The following ACACA variants were observed in gnomAD, a reference collection of about 807,000 sequenced individuals.
ACACA encodes the protein acetyl-CoA carboxylase 1.
A neutral mutation model predicts 296.1 loss-of-function variants in ACACA; 103 were observed. The ratio of observed to expected loss-of-function variants is 0.35; its 90% CI spans 0.30 to 0.41. The LOEUF (loss-of-function observed/expected upper bound fraction) is 0.41. Ranked by LOEUF, ACACA falls within the 10% of genes least tolerant of loss-of-function variation. The pLI is 1.00. For missense variants in ACACA, 1,554 were observed against 2,989.7 expected (o/e 0.52, Z 11.20); for synonymous variants, 953 against 1,038.6 (o/e 0.92, Z 1.58).
chr17:37,306,410 C>T (rs945367278), intron 3 of ACACA, among the ~76,000 whole-genome samples: 1 of 151,996 alleles, frequency 6.6e-6, no homozygotes, highest in Non-Finnish European at 1.5e-5. Flanking sequence ...TAACTTCATA[C>T]AATGAAGTGG....
At chr17:37,102,292 C>A (rs1395489883) in intron 52 of ACACA, among the ~76,000 whole-genome samples, 1 of 149,294 alleles carries the variant, frequency 6.7e-6, no homozygotes, top group Admixed American at 6.8e-5. Context: ...GCAACCTCTG[C>A]CCCCTGAGTT....
chr17:37,177,807 C>T (rs1194442199), intron 41 of ACACA, among the ~76,000 whole-genome samples: 1 of 152,160 alleles, frequency 6.6e-6, no homozygotes, highest in Non-Finnish European at 1.5e-5. Context: ...CATCCTTCCA[C>T]CCCAGTCCTC....
Position 37,317,992 on chromosome 17 carries a change from TCA to T in ACACA, c.338+12179_338+12180del, listed in dbSNP as rs1179721320. ...AAAGGCACCATGGCAACTGGGAACC[TCA>T]GAATATCAAGGAAGGAGCACTGAAA... On this transcript the variant is annotated intron_variant, in intron 3 of 55. Transcript: ENST00000616317. 3.9e-4 allele frequency among the ~76,000 whole-genome samples: 60 copies of T among 152,138 alleles called. No homozygotes were observed. The Middle Eastern group carries it at 0.01, about 26-fold the overall frequency.
In ACACA at chr17:37,124,864, T is replaced by G. The variant is rs58705012; in HGVS notation, c.6041+834A>C. On this transcript the variant is annotated intron_variant, in intron 48 of 55. Coordinates refer to ENST00000616317, the MANE Select transcript of ACACA (RefSeq NM_198834.3). ...GAGAGAACCACAGAGCCTAGAATTA[T>G]TTTCAAGGCTAGAATCTAAATCTCA... is the stretch of plus-strand genomic sequence containing the variant. Among the ~76,000 whole-genome samples the G allele has an allele frequency of 1.1e-3, 170 of 152,294 alleles. 1 individual carries two copies. Among genetic ancestry groups the G allele is most frequent in the African/African-American group, 4.0e-3 (167 of 41,574 alleles).
In ACACA at chr17:37,151,290, GA is replaced by G; in HGVS notation, c.5568+10del. 6.2e-7 allele frequency: 1 copy of G among 1,613,794 alleles called. No individual in the cohort carries two copies. The highest frequency in any genetic ancestry group is 1.1e-5 in the South Asian group (1 of 91,082). On this transcript the variant is annotated intron_variant, in intron 44 of 55. Coordinates refer to ENST00000616317, the MANE Select transcript of ACACA (RefSeq NM_198834.3). ...AGTTCTTCAAAAATTTCACATTCTG[GA>G]AAGATTTACCAGGCTGATGGTAATG...
At chr17:37,256,112 G>C (rs1035084169) in intron 14 of ACACA, among the ~76,000 whole-genome samples, 2 of 152,052 alleles carry the variant, frequency 1.3e-5, no homozygotes, top group African/African-American at 4.8e-5. Flanking sequence ...CTACTTTTAA[G>C]AGCTAGCAGA....
intron 1 of ACACA, chr17:37,378,087 A>G: frequency 4.5e-6 from 4 of 891,350 alleles, no homozygotes; most frequent in Non-Finnish European, 7.0e-6. Flanking sequence ...AAGGATATGT[A>G]TCCTCCCAGG....
chr17:37,321,613 C>T (rs1025293642), intron 3 of ACACA, among the ~76,000 whole-genome samples: 12 of 152,118 alleles, frequency 7.9e-5, no homozygotes, highest in Admixed American at 7.2e-4. Flanking sequence ...CCAGGCGTGG[C>T]GGCATGTGCC....
chr17:37,299,254 C>T, intron 3 of ACACA: 6 of 1,608,334 alleles, frequency 3.7e-6, no homozygotes, highest in South Asian at 3.3e-5. Flanking sequence ...ATATATATTA[C>T]CCAAATGTGG....
chr17:37,247,121 C>T (rs149873859), intron 18 of ACACA, 145 bp from the exon 19 acceptor site: 21 of 890,384 alleles, frequency 2.4e-5, no homozygotes, highest in East Asian at 1.3e-4. Context: ...TATTTGTTTA[C>T]AATGTCAATT....
intron 29 of ACACA, among the ~76,000 whole-genome samples, chr17:37,218,804 C>CA (rs1478487566): frequency 2.0e-5 from 3 of 151,864 alleles, no homozygotes; most frequent in African/African-American, 7.3e-5. Flanking sequence ...CAATAACATA[C>CA]AAAAAAAGTA....
At chr17:37,157,786 C>T (rs761350412) in intron 42 of ACACA, among the ~76,000 whole-genome samples, 1 of 151,860 alleles carries the variant, frequency 6.6e-6, no homozygotes, top group Admixed American at 6.6e-5. Flanking sequence ...ATCCATCTGC[C>T]TCAGCCTCCC....
intron 51 of ACACA, among the ~76,000 whole-genome samples, chr17:37,112,231 T>C (rs1270807286): frequency 1.3e-5 from 2 of 152,098 alleles, no homozygotes; most frequent in Non-Finnish European, 2.9e-5. Context: ...TGCATACTAA[T>C]GATGTTCAGT....
At chr17:37,212,686 C>G (rs555388859) in intron 29 of ACACA, among the ~76,000 whole-genome samples, 1 of 150,568 alleles carries the variant, frequency 6.6e-6, no homozygotes, top group Non-Finnish European at 1.5e-5. Context: ...AGACAAGGTC[C>G]CACTATGTTG....
At position 37,240,579 on chromosome 17, in the gene ACACA, A is replaced by G; in HGVS notation, c.3033-15T>C. On this transcript the variant is annotated splice_polypyrimidine_tract_variant and intron_variant, in intron 23 of 55. Transcript: ENST00000616317. Reference sequence around the variant, plus strand: ...CACTTCGGTACCTAGGCAAATAGAAAGTCTCCACTGAAAAACCTGACAATC... The same window carrying G: ...CACTTCGGTACCTAGGCAAATAGAAGGTCTCCACTGAAAAACCTGACAATC... 1.2e-6 allele frequency: 2 copies of G among 1,607,436 alleles called. No homozygotes were observed. Among genetic ancestry groups the G allele is most frequent in the East Asian group, 4.5e-5 (2 of 44,856 alleles).
At chr17:37,402,775 C>A (rs2051334804) in intron 1 of ACACA, among the ~76,000 whole-genome samples, 1 of 152,116 alleles carries the variant, frequency 6.6e-6, no homozygotes, top group Non-Finnish European at 1.5e-5. Flanking sequence ...CAGGTTCACG[C>A]CATTCTTCTT....
At chr17:37,374,764 C>T (rs2049934884) in intron 1 of ACACA, among the ~76,000 whole-genome samples, 1 of 152,222 alleles carries the variant, frequency 6.6e-6, no homozygotes, top group Non-Finnish European at 1.5e-5. Context: ...TTCCTCACAA[C>T]CTCTCAGCCC....
intron 3 of ACACA, among the ~76,000 whole-genome samples, chr17:37,291,818 G>A: frequency 6.6e-6 from 1 of 152,018 alleles, no homozygotes; most frequent in Non-Finnish European, 1.5e-5. Context: ...AATCTGAGAT[G>A]ACATATACTA....
chr17:37,385,778 C>A (rs1262367012), intron 1 of ACACA, among the ~76,000 whole-genome samples: 2 of 152,102 alleles, frequency 1.3e-5, no homozygotes, highest in Non-Finnish European at 2.9e-5. Context: ...TCACTTTGAT[C>A]CTATGTTAGT....
Sources: allele counts gnomAD v4.1 joint callset (sites outside exome capture counted in the v4.1 genomes callset), GRCh38; gene constraint gnomAD v4.1.1; transcripts MANE v1.5; gene names NCBI Gene and HGNC (gene_info 2026-07-23, HGNC 2026-07-21).